Variants in GOLM2 observed in about 807,000 individuals in gnomAD.
The protein encoded by GOLM2 is golgi membrane protein 2.
Under a neutral mutation model 55.9 loss-of-function variants are expected in GOLM2, and 26 were observed. The ratio of observed to expected loss-of-function variants is 0.47; its 90% CI spans 0.34 to 0.65. The LOEUF is 0.65. GOLM2 is among the 30% of genes least tolerant of loss of function. The pLI is 0.01. For missense variants in GOLM2, 486 were observed against 531.8 expected (o/e 0.91, Z 0.85); for synonymous variants, 165 against 194.6 (o/e 0.85, Z 1.27).
chr15:44,383,864 A>C (rs1240781795), intron 8 of GOLM2, among the ~76,000 whole-genome samples: 1 of 151,822 alleles, frequency 6.6e-6, no homozygotes, highest in African/African-American at 2.4e-5. Flanking sequence ...TTTTAAACAA[A>C]AATGAGGTCT....
intron 9 of GOLM2, among the ~76,000 whole-genome samples, chr15:44,407,771 CT>C (rs1237254216): frequency 3.3e-3 from 446 of 135,764 alleles, no homozygotes; most frequent in Middle Eastern, 4.0e-3. Flanking sequence ...TTTCTTTTAT[CT>C]TTTTTTTTTT....
chr15:44,334,337 A>G (rs1376801747), intron 4 of GOLM2, among the ~76,000 whole-genome samples: 1 of 152,188 alleles, frequency 6.6e-6, no homozygotes, highest in African/African-American at 2.4e-5. Flanking sequence ...GTTTTCATAG[A>G]GACAAATCCA....
At chr15:44,332,672 A>G (rs1231732561) in intron 4 of GOLM2, among the ~76,000 whole-genome samples, 1 of 152,168 alleles carries the variant, frequency 6.6e-6, no homozygotes, top group Non-Finnish European at 1.5e-5. Flanking sequence ...TTTTTTACTG[A>G]AAATCAACTA....
chr15:44,403,415 G>A (rs2079579051), intron 9 of GOLM2, among the ~76,000 whole-genome samples: 1 of 152,130 alleles, frequency 6.6e-6, no homozygotes, highest in South Asian at 2.1e-4. Flanking sequence ...GCTCACCTCA[G>A]GCTCCCAAAG....
At chr15:44,361,476 C>T (rs1458756736) in intron 6 of GOLM2, among the ~76,000 whole-genome samples, 1 of 152,076 alleles carries the variant, frequency 6.6e-6, no homozygotes, top group Non-Finnish European at 1.5e-5. Flanking sequence ...GACACATACA[C>T]TCTCCCAAGA....
chr15:44,331,817 C>G (rs1473197495), intron 3 of GOLM2, among the ~76,000 whole-genome samples, 171 bp from the exon 4 acceptor site: 1 of 152,090 alleles, frequency 6.6e-6, no homozygotes, highest in Non-Finnish European at 1.5e-5. Flanking sequence ...ATTACAAGTT[C>G]AAGTATTTTA....
At chr15:44,352,604 A>G (rs1388673506) in intron 6 of GOLM2, among the ~76,000 whole-genome samples, 1 of 152,156 alleles carries the variant, frequency 6.6e-6, no homozygotes, top group Non-Finnish European at 1.5e-5. Context: ...TGCACAACAG[A>G]GGAAACAATC....
chr15:44,408,377 A>G (rs543764594), intron 9 of GOLM2, among the ~76,000 whole-genome samples: 1 of 152,318 alleles, frequency 6.6e-6, no homozygotes, highest in East Asian at 1.9e-4. Context: ...CAGTTAATTT[A>G]AAAGTCCTAT....
intron 6 of GOLM2, among the ~76,000 whole-genome samples, chr15:44,344,128 C>T (rs2079106503): frequency 1.3e-5 from 2 of 151,698 alleles, no homozygotes. Flanking sequence ...GTCATGGTGG[C>T]ACACGCCTGT....
At chr15:44,334,980 A>G (rs901206108) in intron 4 of GOLM2, among the ~76,000 whole-genome samples, 2 of 152,188 alleles carry the variant, frequency 1.3e-5, no homozygotes, top group African/African-American at 4.8e-5. Context: ...GCAGTGAGCC[A>G]GTACTGCACC....
chr15:44,321,484 AG>A (rs36053508), intron 1 of GOLM2, among the ~76,000 whole-genome samples: 5 of 70,028 alleles, frequency 7.1e-5, no homozygotes, highest in African/African-American at 1.9e-4. Context: ...AAAAAAAAAA[AG>A]GGGGGGTGGG....
chr15:44,397,924 C>T (rs2079538460), intron 8 of GOLM2, among the ~76,000 whole-genome samples: 2 of 152,160 alleles, frequency 1.3e-5, no homozygotes, highest in South Asian at 4.1e-4. Flanking sequence ...TCTTTCTGCT[C>T]CATTATGACA....
At chr15:44,314,463 G>A (rs893819709) in intron 1 of GOLM2, among the ~76,000 whole-genome samples, 1 of 151,598 alleles carries the variant, frequency 6.6e-6, no homozygotes, top group African/African-American at 2.4e-5. Flanking sequence ...GTAGGCTGAG[G>A]TGGGAGAATT....
At chr15:44,382,847 C>T (rs533240968) in intron 8 of GOLM2, among the ~76,000 whole-genome samples, 222 of 149,282 alleles carry the variant, frequency 1.5e-3, no homozygotes, top group African/African-American at 5.2e-3. Flanking sequence ...CACTTGAACC[C>T]GGGAGGCGAA....
chr15:44,367,847 TCAGC>T (rs2079296624), intron 6 of GOLM2, among the ~76,000 whole-genome samples: 1 of 152,138 alleles, frequency 6.6e-6, no homozygotes. Context: ...TGTTTCTAAG[TCAGC>T]CATCTTTCTT....
At chr15:44,394,873 T>C (rs983712628) in intron 8 of GOLM2, among the ~76,000 whole-genome samples, 4 of 152,192 alleles carry the variant, frequency 2.6e-5, no homozygotes, top group Non-Finnish European at 5.9e-5. Context: ...ATACTGCCAA[T>C]AGATGAAGGC....
At chr15:44,346,120 C>G (rs920590168) in intron 6 of GOLM2, 1 of 152,094 alleles carries the variant, frequency 6.6e-6, no homozygotes, top group Non-Finnish European at 1.5e-5. Flanking sequence ...CCAGGCTGGT[C>G]TTGAACTCCT....
intron 6 of GOLM2, among the ~76,000 whole-genome samples, chr15:44,370,697 CT>C (rs752619211): frequency 6.6e-6 from 1 of 151,872 alleles, no homozygotes; most frequent in South Asian, 2.1e-4. Context: ...GAATTTTAGC[CT>C]TTTTTGTGTA....
At chr15:44,332,993 C>T (rs1334792176) in intron 4 of GOLM2, among the ~76,000 whole-genome samples, 1 of 152,068 alleles carries the variant, frequency 6.6e-6, no homozygotes, top group South Asian at 2.1e-4. Flanking sequence ...AGTGCAGTGG[C>T]GTGATCTCGG....
Sources: gnomAD v4.1 joint callset for allele counts (sites outside exome capture counted in the v4.1 genomes callset) on GRCh38, gnomAD v4.1.1 for gene constraint, MANE v1.5 for transcripts, NCBI Gene and HGNC (gene_info 2026-07-23, HGNC 2026-07-21) for gene names.